Variants in ETS2 observed in about 807,000 individuals in gnomAD.
ETS2 encodes ETS proto-oncogene 2, transcription factor.
Under a neutral mutation model 54.9 loss-of-function variants are expected in ETS2, and 19 were observed. That is an observed-to-expected ratio of 0.35 (90% CI 0.24 to 0.51). The LOEUF (loss-of-function observed/expected upper bound fraction) is 0.51, where lower values mean the gene tolerates loss of function less well. ETS2 is among the 20% of genes least tolerant of loss of function. The pLI, the probability that ETS2 is intolerant of heterozygous loss-of-function variation, is 0.97. For missense variants in ETS2, 417 were observed against 593.0 expected, an observed-to-expected ratio of 0.70 and a Z score of 3.08; for synonymous variants, 219 against 229.3, an observed-to-expected ratio of 0.95 and a Z score of 0.41.
chr21:38,816,629 G>A (rs2123418723), intron 5 of ETS2, among the ~76,000 whole-genome samples: 1 of 152,268 alleles, frequency 6.6e-6, no homozygotes, highest in South Asian at 2.1e-4. Flanking sequence ...AAGCTTCACG[G>A]GGGCAGACAC....
Position 38,806,813 on chromosome 21 carries a change from CT to C in ETS2, c.-1+694del. 1 of 985,484 alleles carries C rather than the reference CT, an allele frequency of 1.0e-6. No homozygotes were observed. Among genetic ancestry groups the C allele is most frequent in the Non-Finnish European group, 1.2e-6 (1 of 829,962 alleles). The allele number at this position is 985,484 out of a possible 1,614,324, so 61.0% of individuals were successfully genotyped here. A position where few individuals can be genotyped will look rare whatever the true frequency, so the allele number is the denominator to read the frequency against. ...CTACAGCATTTGAATGAAGAGGTAA[CT>C]GAGTGTTTGCTTGTGTGTGTTTGGG... On this transcript the variant is annotated intron_variant, in intron 1 of 9. Coordinates refer to ENST00000360938, the MANE Select transcript of ETS2 (RefSeq NM_005239.6). The surrounding 1 kb of genome is among the most constrained non-coding windows in gnomAD (Gnocchi z 4.3).
chr21:38,805,494 A>T (rs868469755), upstream of ETS2: 1 of 1,287,920 alleles, frequency 7.8e-7, no homozygotes, highest in African/African-American at 1.5e-5. This position sits in a 1 kb window ranked among gnomAD's most constrained non-coding sequence, Gnocchi z 5.2. Flanking sequence ...CGCTCCACGG[A>T]AAGTCTCCGC....
In ETS2 at chr21:38,818,520, G is replaced by C. The variant is rs577157851; in HGVS notation, c.685G>C (p.Val229Leu). 21 of 1,614,190 alleles carry C rather than the reference G, an allele frequency of 1.3e-5. No homozygotes were observed. The African/African-American group carries it at 2.7e-4, about 20-fold the overall frequency. The change falls in exon 7 of 10, where the codon GTA (valine) becomes CTA (leucine). Residue 229 changes from valine (V) to leucine (L), a missense_variant. Physicochemically the swap from Val to Leu is conservative, Grantham distance 32. Coordinates refer to ENST00000360938, the MANE Select transcript of ETS2 (RefSeq NM_005239.6). Reference protein sequence around the residue: ...DSMCPASTPSVLSSEQEFQMF... With the variant: ...DSMCPASTPSLLSSEQEFQMF... ...CATGTGTCCGGCCTCCACACCCAGCGTACTCAGCTCTGAGCAGGAGTTTCA... is the reference window on the plus strand; with the variant it reads ...CATGTGTCCGGCCTCCACACCCAGCCTACTCAGCTCTGAGCAGGAGTTTCA...
At chr21:38,809,123 A>C (rs1392031565) in intron 1 of ETS2, among the ~76,000 whole-genome samples, 4 of 152,260 alleles carry the variant, frequency 2.6e-5, no homozygotes, top group African/African-American at 4.8e-5. Context: ...AATTGATTTC[A>C]GTGTATTTCA....
rs1199792115 is a variant in ETS2 at position 38,821,590 on chromosome 21, T to C, written c.1080T>C (p.Ser360=). The change falls in exon 9 of 10, where the codon AGT becomes AGC. Residue 360 remains serine (S), a synonymous_variant. Transcript: ENST00000360938. The surrounding 1 kb of genome is among the most constrained non-coding windows in gnomAD (Gnocchi z 4.2). ...TCTCCCTCCCTCTCCCCGCAGGAAG[T>C]GGACCTATTCAGCTGTGGCAGTTTC... is the stretch of plus-strand genomic sequence containing the variant. ...PAAVLAGFTG[S]GPIQLWQFLL... 1.9e-6 allele frequency: 3 copies of C among 1,607,656 alleles called. No homozygotes were observed. The highest frequency in any genetic ancestry group is 1.7e-6 in the Non-Finnish European group (2 of 1,174,184).
At position 38,820,706 on chromosome 21, in the gene ETS2, C is replaced by T. The variant is rs191289418; in HGVS notation, c.1076-880C>T. On this transcript the variant is annotated intron_variant, in intron 8 of 9. Coordinates refer to ENST00000360938, the MANE Select transcript of ETS2 (RefSeq NM_005239.6). ...AATTGGCTCACAGGCAGACAGCTAT[C>T]GGTGCTCACACAGCTCTGGTTCTAG... 1.3e-3 allele frequency among the ~76,000 whole-genome samples: 202 copies of T among 152,342 alleles called. 1 individual carries two copies. Among genetic ancestry groups the T allele is most frequent in the Non-Finnish European group, 2.3e-3 (154 of 68,030 alleles).
chr21:38,806,451 G>T lies in ETS2; in HGVS notation c.-1+331G>T. On this transcript the variant is annotated intron_variant, in intron 1 of 9. Transcript: ENST00000360938. The surrounding 1 kb of genome is among the most constrained non-coding windows in gnomAD (Gnocchi z 4.3). ...TTTCGCTCGCTTTTGTTTTTAAAAGGAAACGCAGGCCTGGTAGGGGGTCCT... is the reference window on the plus strand; with the variant it reads ...TTTCGCTCGCTTTTGTTTTTAAAAGTAAACGCAGGCCTGGTAGGGGGTCCT... 1.0e-6 allele frequency: 1 copy of T among 985,626 alleles called. No homozygotes were observed. Among genetic ancestry groups the T allele is most frequent in the Non-Finnish European group, 1.2e-6 (1 of 830,092 alleles). 61.1% of individuals were successfully genotyped at this position (985,626 alleles called of 1,614,324 possible).
At chr21:38,817,155 T>G in intron 6 of ETS2, 64 bp downstream of exon 6, 1 of 1,108,828 alleles carries the variant, frequency 9.0e-7, no homozygotes, top group Non-Finnish European at 1.4e-6. Flanking sequence ...ACTTGGAATC[T>G]CTCTACTGTA....
Position 38,811,876 on chromosome 21 carries a change from G to A in ETS2, c.73-1127G>A, listed in dbSNP as rs570574513. ...TTTCGTTTTTGGTTTTAAGCAACAG[G>A]GTCCTTCTCTGTTGCCCAGGCGGGA... is the stretch of plus-strand genomic sequence containing the variant. On this transcript the variant is annotated intron_variant, in intron 2 of 9. Coordinates refer to ENST00000360938, the MANE Select transcript of ETS2 (RefSeq NM_005239.6). Among the ~76,000 whole-genome samples, 3 of 152,118 alleles carry A rather than the reference G, an allele frequency of 2.0e-5. No homozygotes were observed. The East Asian group carries it at 5.8e-4, about 29-fold the overall frequency.
At chr21:38,815,205 T>C (rs1007825408) in intron 5 of ETS2, among the ~76,000 whole-genome samples, 2 of 151,744 alleles carry the variant, frequency 1.3e-5, no homozygotes. Flanking sequence ...TGTGTGTGTA[T>C]AGCATCAAGT....
At chr21:38,816,505 A>AC (rs150110201) in intron 5 of ETS2, among the ~76,000 whole-genome samples, 1,721 of 152,242 alleles carry the variant, frequency 0.011, 35 homozygotes, top group African/African-American at 0.039. Context: ...CAGTGCACAA[A>AC]CCTTTTCCCT....
chr21:38,819,613 G>A lies in ETS2; in HGVS notation c.922G>A (p.Val308Ile). Residue 308 changes from valine (V) to isoleucine (I), a missense_variant, in exon 8 of 10, where the codon GTT (valine) becomes ATT (isoleucine). Coordinates refer to ENST00000360938, the MANE Select transcript of ETS2 (RefSeq NM_005239.6). ...SQSSLLDVQR[V>I]PSFESFEDDC... ...GTCGTCCTTGCTGGATGTGCAACGG[G>A]TTCCTTCCTTCGAGAGCTTCGAAGA... The A allele has an allele frequency of 6.2e-7, 1 of 1,614,208 alleles. No homozygotes were observed. The highest frequency in any genetic ancestry group is 8.5e-7 in the Non-Finnish European group (1 of 1,180,038).
At position 38,806,100 on chromosome 21, in the gene ETS2, G is replaced by A. The variant is rs1016417133; in HGVS notation, c.-21G>A. On this transcript the variant is annotated 5_prime_UTR_variant, in exon 1 of 10. Coordinates refer to ENST00000360938, the MANE Select transcript of ETS2 (RefSeq NM_005239.6). This position sits in a 1 kb window ranked among gnomAD's most constrained non-coding sequence, Gnocchi z 4.3. ...GCAGCCACCGTCCCGACCAAGCGCC[G>A]GCCCTGCCCGCAGCGGCAGGGTAAG... 3 of 1,062,714 alleles carry A rather than the reference G, an allele frequency of 2.8e-6. No individual in the cohort carries two copies. The highest frequency in any genetic ancestry group is 3.5e-5 in the African/African-American group (2 of 57,324). 65.8% of individuals were successfully genotyped at this position (1,062,714 alleles called of 1,614,324 possible).
Position 38,805,967 on chromosome 21 carries a change from C to A in ETS2, c.-154C>A. Reference sequence around the variant, plus strand: ...AGAGACTGACGAGTGCGGTGTCGCTCCAGCTCAGAGCTCCCGGAGCCGCCC... The same window carrying A: ...AGAGACTGACGAGTGCGGTGTCGCTACAGCTCAGAGCTCCCGGAGCCGCCC... On this transcript the variant is annotated 5_prime_UTR_variant, in exon 1 of 10. Transcript: ENST00000360938. The surrounding 1 kb of genome is among the most constrained non-coding windows in gnomAD (Gnocchi z 5.2). 1 of 1,268,848 alleles carries A rather than the reference C, an allele frequency of 7.9e-7. No individual in the cohort carries two copies. The highest frequency in any genetic ancestry group is 1.0e-6 in the Non-Finnish European group (1 of 981,136). 78.6% of individuals were successfully genotyped at this position (1,268,848 alleles called of 1,614,324 possible).
intron 7 of ETS2, 71 bp downstream of exon 7, chr21:38,818,717 C>T: frequency 6.5e-7 from 1 of 1,531,302 alleles, no homozygotes; most frequent in Non-Finnish European, 9.0e-7. Context: ...TAATGAACCT[C>T]TTAATAAATA....
At position 38,823,076 on chromosome 21, in the gene ETS2, C is replaced by G; in HGVS notation, c.*187C>G. On this transcript the variant is annotated 3_prime_UTR_variant, in exon 10 of 10. Coordinates refer to ENST00000360938, the MANE Select transcript of ETS2 (RefSeq NM_005239.6). ...CAGGCTGCCTCCCTTGTGGCAGCAA[C>G]GGCACAGCTAATTCTACTCACAGTG... 1 of 461,092 alleles carries G rather than the reference C, an allele frequency of 2.2e-6. No homozygotes were observed. The highest frequency in any genetic ancestry group is 3.8e-6 in the Non-Finnish European group (1 of 263,506). The allele number at this position is 461,092 out of a possible 1,614,324, so 28.6% of individuals were successfully genotyped here. A position where few individuals can be genotyped will look rare whatever the true frequency, so the allele number is the denominator to read the frequency against.
At chr21:38,805,740 C>A, upstream of ETS2, 1 of 888,846 alleles carries the variant, frequency 1.1e-6, no homozygotes, top group Non-Finnish European at 1.5e-6. This position sits in a 1 kb window ranked among gnomAD's most constrained non-coding sequence, Gnocchi z 5.2. Context: ...GCCCCCTTCC[C>A]TCTCCTCCCG....
chr21:38,813,619 G>A (rs2060921856), intron 3 of ETS2, among the ~76,000 whole-genome samples: 1 of 152,218 alleles, frequency 6.6e-6, no homozygotes, highest in East Asian at 1.9e-4. Context: ...TAGCACGTCA[G>A]ATAATGTTCA....
Position 38,806,692 on chromosome 21 carries a change from G to T in ETS2, c.-1+572G>T, listed in dbSNP as rs1024844142. 1.0e-6 allele frequency: 1 copy of T among 985,358 alleles called. No individual in the cohort carries two copies. The highest frequency in any genetic ancestry group is 1.7e-5 in the African/African-American group (1 of 57,238). 61.0% of individuals were successfully genotyped at this position (985,358 alleles called of 1,614,324 possible). Reference sequence around the variant, plus strand: ...TGGTCACCTGCTCGCCGCGTCCAGGGCCCGGGCTGGGGACCCCTCGGTCGT... The same window carrying T: ...TGGTCACCTGCTCGCCGCGTCCAGGTCCCGGGCTGGGGACCCCTCGGTCGT... On this transcript the variant is annotated intron_variant, in intron 1 of 9. Transcript: ENST00000360938. The surrounding 1 kb of genome is among the most constrained non-coding windows in gnomAD (Gnocchi z 4.3).
Sources: allele counts gnomAD v4.1 joint callset (sites outside exome capture counted in the v4.1 genomes callset), GRCh38; gene constraint gnomAD v4.1.1; non-coding constraint Gnocchi (gnomAD v3.1); transcripts MANE v1.5; gene names NCBI Gene and HGNC (gene_info 2026-07-23, HGNC 2026-07-21).